CGNL1: variants seen among roughly 807,000 people sequenced by gnomAD.
The protein encoded by CGNL1 is cingulin-like protein 1.
Under a neutral mutation model 141.2 loss-of-function variants are expected in CGNL1, and 132 were observed. The observed-to-expected ratio is 0.93, with a 90% confidence interval of 0.81 to 1.08. CGNL1 has a LOEUF of 1.08. CGNL1 is among the 50% of genes least tolerant of loss of function. The pLI is 0.00. For synonymous variants in CGNL1, 690 were observed against 622.1 expected, an observed-to-expected ratio of 1.11 and a Z score of -1.63; for missense variants, 1,870 against 1,588.6, an observed-to-expected ratio of 1.18 and a Z score of -3.01.
At chr15:57,403,354 G>A (rs771746828) in intron 1 of CGNL1, among the ~76,000 whole-genome samples, 3 of 152,194 alleles carry the variant, frequency 2.0e-5, no homozygotes, top group Non-Finnish European at 4.4e-5. Context: ...GCATGGGAGT[G>A]TGTTTAAAAT....
chr15:57,517,069 G>A, intron 9 of CGNL1, 83 bp downstream of exon 9: 2 of 1,326,316 alleles, frequency 1.5e-6, no homozygotes, highest in Non-Finnish European at 2.1e-6. Context: ...GTGGGGAAGG[G>A]ATTTATTGTC....
intron 14 of CGNL1, among the ~76,000 whole-genome samples, chr15:57,542,311 C>A (rs141863346): frequency 0.014 from 2,065 of 152,272 alleles, 50 homozygotes; most frequent in African/African-American, 0.047. Flanking sequence ...TCCTGGAATT[C>A]GTTTTCATCC....
intron 1 of CGNL1, among the ~76,000 whole-genome samples, chr15:57,415,379 AAGG>A (rs1178523179): frequency 1.3e-5 from 2 of 152,156 alleles, no homozygotes; most frequent in Non-Finnish European, 2.9e-5. Context: ...GGAATCCAAG[AAGG>A]AGATGTGACA....
At chr15:57,451,209 A>G (rs1000691904) in intron 4 of CGNL1, among the ~76,000 whole-genome samples, 1 of 152,198 alleles carries the variant, frequency 6.6e-6, no homozygotes, top group Non-Finnish European at 1.5e-5. Flanking sequence ...TATGCCATGT[A>G]TGCAAGTTTT....
chr15:57,516,575 G>A (rs919323266), intron 8 of CGNL1, among the ~76,000 whole-genome samples: 2 of 152,176 alleles, frequency 1.3e-5, no homozygotes, highest in Non-Finnish European at 2.9e-5. Flanking sequence ...GGAAGGGCGT[G>A]GCTATGTTCC....
intron 14 of CGNL1, among the ~76,000 whole-genome samples, chr15:57,537,462 T>C (rs912709468): frequency 6.6e-6 from 1 of 151,966 alleles, no homozygotes; most frequent in African/African-American, 2.4e-5. Flanking sequence ...TTAATTGAAA[T>C]GCTCCTAATC....
intron 8 of CGNL1, among the ~76,000 whole-genome samples, chr15:57,515,958 A>G (rs576208887): frequency 1.4e-4 from 21 of 152,000 alleles, no homozygotes; most frequent in Non-Finnish European, 2.9e-4. Context: ...GGAGATCGAG[A>G]CCATCCTGGC....
At chr15:57,479,377 A>G in intron 8 of CGNL1, among the ~76,000 whole-genome samples, 1 of 152,186 alleles carries the variant, frequency 6.6e-6, no homozygotes, top group East Asian at 1.9e-4. Flanking sequence ...AGAAATGGGC[A>G]AAGGGGCTGG....
intron 4 of CGNL1, among the ~76,000 whole-genome samples, chr15:57,450,623 A>G (rs538156183): frequency 2.0e-5 from 3 of 152,174 alleles, no homozygotes; most frequent in Non-Finnish European, 4.4e-5. Flanking sequence ...GTCTGTGCTT[A>G]TAAAATTTTA....
intron 8 of CGNL1, among the ~76,000 whole-genome samples, chr15:57,477,026 T>C (rs1464449461): frequency 6.6e-6 from 1 of 152,210 alleles, no homozygotes; most frequent in Non-Finnish European, 1.5e-5. Flanking sequence ...TTTCTTTTTG[T>C]TTTATTTGTT....
rs572872547 is a variant in CGNL1 at position 57,528,966 on chromosome 15, T to C, written c.3201+151T>C. 592 of 745,270 alleles carry C rather than the reference T, an allele frequency of 7.9e-4. 1 individual carries two copies. Among genetic ancestry groups the C allele is most frequent in the Non-Finnish European group, 8.7e-4 (403 of 463,604 alleles). The allele number at this position is 745,270 out of a possible 1,614,324, so 46.2% of individuals were successfully genotyped here. ...TGGGTGTAGTGAGGTTATTTCTTGA[T>C]TGAAGGAAGGGGCCAGTCATTTATA... is the stretch of plus-strand genomic sequence containing the variant. On this transcript the variant is annotated intron_variant, in intron 13 of 18. Transcript: ENST00000281282.
In CGNL1 at chr15:57,383,515, G is replaced by C. The variant is rs1052961942; in HGVS notation, c.-16+6948G>C. Among the ~76,000 whole-genome samples, 3 of 151,862 alleles carry C rather than the reference G, an allele frequency of 2.0e-5. No homozygotes were observed. The South Asian group carries it at 6.2e-4, about 31-fold the overall frequency. ...GGGTTTCACCATGTTAGCCAGGATG[G>C]TCTCTATCTCCTGACCTCGTGATCC... On this transcript the variant is annotated intron_variant, in intron 1 of 18. Transcript: ENST00000281282.
At chr15:57,474,403 C>A (rs1427180350) in intron 8 of CGNL1, among the ~76,000 whole-genome samples, 3 of 152,184 alleles carry the variant, frequency 2.0e-5, no homozygotes, top group African/African-American at 4.8e-5. Context: ...TCCTGCCATG[C>A]CCTTGGTTTA....
At chr15:57,409,043 A>T (rs1431531162) in intron 1 of CGNL1, among the ~76,000 whole-genome samples, 3 of 147,710 alleles carry the variant, frequency 2.0e-5, no homozygotes, top group African/African-American at 7.7e-5. Context: ...TCTGTCACAC[A>T]CACACACACA....
At chr15:57,434,540 A>G (rs2063082055) in intron 1 of CGNL1, among the ~76,000 whole-genome samples, 1 of 152,218 alleles carries the variant, frequency 6.6e-6, no homozygotes, top group Admixed American at 6.5e-5. Context: ...GTTTTATAAA[A>G]GAGTCCACTT....
rs554587755 is a variant in CGNL1 at position 57,438,504 on chromosome 15, C to A, written c.505C>A (p.Pro169Thr). 7.4e-6 allele frequency: 12 copies of A among 1,614,016 alleles called. No individual in the cohort carries two copies. The highest frequency in any genetic ancestry group is 2.7e-5 in the African/African-American group (2 of 74,914). ...TGAGTTGAATTTACAAAATCACCAG[C>A]CTTCTGAGAGTAATTGGCTAAAAAC... ...KNELNLQNHQ[P>T]SESNWLKTLT... Residue 169 changes from proline (P) to threonine (T), a missense_variant, in exon 2 of 19, where the codon CCT (proline) becomes ACT (threonine). Transcript: ENST00000281282.
intron 1 of CGNL1, among the ~76,000 whole-genome samples, chr15:57,425,560 T>C (rs1280535229): frequency 1.3e-5 from 2 of 152,058 alleles, no homozygotes; most frequent in Admixed American, 1.3e-4. Flanking sequence ...CTGGCCAACA[T>C]GGTGAAACCA....
chr15:57,488,712 G>A (rs1451951160), intron 8 of CGNL1, among the ~76,000 whole-genome samples: 1 of 152,226 alleles, frequency 6.6e-6, no homozygotes, highest in Non-Finnish European at 1.5e-5. Flanking sequence ...CACAGCTTGT[G>A]CCAAGAGTGG....
rs1362764478 is a variant in CGNL1, at chr15:57,440,317, G to C, written c.1603-60G>C. ...GGATGCTCACTGGAGGAATTGTTTG[G>C]TGTTTGGAAGCCTCTGGGAACTTCA... On this transcript the variant is annotated intron_variant, in intron 2 of 18. Coordinates refer to ENST00000281282, the MANE Select transcript of CGNL1 (RefSeq NM_032866.5). 2.5e-6 allele frequency: 3 copies of C among 1,211,918 alleles called. No homozygotes were observed. In the East Asian group the frequency reaches 7.5e-5, roughly 30 times the overall value. The allele number at this position is 1,211,918 out of a possible 1,614,324, so 75.1% of individuals were successfully genotyped here.
Sources: allele counts gnomAD v4.1 joint callset (sites outside exome capture counted in the v4.1 genomes callset), GRCh38; gene constraint gnomAD v4.1.1; transcripts MANE v1.5; gene names NCBI Gene and HGNC (gene_info 2026-07-23, HGNC 2026-07-21).